SERP1: variants seen among roughly 807,000 people sequenced by gnomAD.
SERP1 encodes stress-associated endoplasmic reticulum protein 1.
In SERP1, 6 loss-of-function variants were observed where a neutral mutation model predicts 8.8. The ratio of observed to expected loss-of-function variants is 0.68; its 90% CI spans 0.37 to 1.35. The LOEUF (loss-of-function observed/expected upper bound fraction) is 1.35, where lower values mean the gene tolerates loss of function less well. Among genes scored for constraint, SERP1 ranks in the 40% most tolerant of loss-of-function variants. The pLI, the probability that SERP1 is intolerant of heterozygous loss-of-function variation, is 0.02. For synonymous variants in SERP1, 36 were observed against 28.7 expected (o/e 1.25, Z -0.81); for missense variants, 52 against 86.2 (o/e 0.60, Z 1.57).
Position 150,544,389 on chromosome 3 carries a change from T to A in SERP1, c.*69A>T. 1 of 1,340,044 alleles carries A rather than the reference T, an allele frequency of 7.5e-7. No homozygotes were observed. The highest frequency in any genetic ancestry group is 1.1e-6 in the Non-Finnish European group (1 of 931,942). 83.0% of individuals were successfully genotyped at this position (1,340,044 alleles called of 1,614,324 possible). A position where few individuals can be genotyped will look rare whatever the true frequency, so the allele number is the denominator to read the frequency against. On this transcript the variant is annotated 3_prime_UTR_variant, in exon 3 of 3. Coordinates refer to ENST00000239944, the MANE Select transcript of SERP1 (RefSeq NM_014445.4). The stretch of plus-strand genomic sequence containing the variant: ...TTTACTGAATTGTTTTCAACCAGGG[T>A]ATCAAACATCAGGAATGAGTTCAAG...
At chr3:150,545,131 C>CAGCA (rs1722952963) in intron 2 of SERP1, among the ~76,000 whole-genome samples, 2 of 152,156 alleles carry the variant, frequency 1.3e-5, no homozygotes, top group South Asian at 4.1e-4. Flanking sequence ...TCTTAGGGGA[C>CAGCA]AGCAGGCTAC....
chr3:150,546,389 G>T lies in SERP1; in HGVS notation c.-254C>A. 1.8e-6 allele frequency: 1 copy of T among 562,934 alleles called. No individual in the cohort carries two copies. The allele number at this position is 562,934 out of a possible 1,614,324, so 34.9% of individuals were successfully genotyped here. A position where few individuals can be genotyped will look rare whatever the true frequency, so the allele number is the denominator to read the frequency against. On this transcript the variant is annotated 5_prime_UTR_variant, in exon 1 of 3. Coordinates refer to ENST00000239944, the MANE Select transcript of SERP1 (RefSeq NM_014445.4). ...GAGGAAGAGAACTGGCCGCCGGGTC[G>T]TTCTCGCGCCGCCGTCGCCGCCGCT...
chr3:150,544,546 G>T (rs762496300), intron 2 of SERP1, 48 bp from the exon 3 acceptor site: 1 of 1,432,342 alleles, frequency 7.0e-7, no homozygotes, highest in Non-Finnish European at 9.8e-7. Flanking sequence ...AATAAAATAG[G>T]TCTGGTGTCT....
intron 1 of SERP1, 64 bp from the exon 2 acceptor site, chr3:150,545,842 C>T (rs780273999): frequency 3.6e-4 from 541 of 1,508,276 alleles, no homozygotes; most frequent in Non-Finnish European, 4.7e-4. Context: ...GGCTCCCACG[C>T]CTGCACGCCG....
In SERP1 at chr3:150,546,285, TG is replaced by T; in HGVS notation, c.-151del. On this transcript the variant is annotated 5_prime_UTR_variant, in exon 1 of 3. Transcript: ENST00000239944. ...AGACGCTAGCTACGGCCGCTGGGCCTGGGCGCCGCAAGCGCGAGGTCTGAGC... is the reference window on the plus strand; with the variant it reads ...AGACGCTAGCTACGGCCGCTGGGCCTGGCGCCGCAAGCGCGAGGTCTGAGC... The T allele has an allele frequency of 2.3e-6, 2 of 856,518 alleles. No individual in the cohort carries two copies. Among genetic ancestry groups the T allele is most frequent in the Middle Eastern group, 2.8e-4 (1 of 3,574 alleles). The allele number at this position is 856,518 out of a possible 1,614,324, so 53.1% of individuals were successfully genotyped here.
At chr3:150,546,012 C>A (rs1167138695) in intron 1 of SERP1, 40 bp downstream of exon 1, 5 of 1,610,722 alleles carry the variant, frequency 3.1e-6, no homozygotes, top group Admixed American at 3.3e-5. Context: ...GGACTCAGCT[C>A]CGGCTGCGGA....
At position 150,546,035 on chromosome 3, in the gene SERP1, G is replaced by A; in HGVS notation, c.84+17C>T. The A allele has an allele frequency of 9.3e-6, 15 of 1,612,934 alleles. No homozygotes were observed. Among genetic ancestry groups the A allele is most frequent in the African/African-American group, 1.3e-5 (1 of 75,054 alleles). ...CTCCGGCTGCGGAACGCAGAGGGGC[G>A]CCCGCTCTTTCCTTACCGAGGTCTT... On this transcript the variant is annotated intron_variant, in intron 1 of 2. Coordinates refer to ENST00000239944, the MANE Select transcript of SERP1 (RefSeq NM_014445.4).
Position 150,546,142 on chromosome 3 carries a change from G to A in SERP1, c.-7C>T, listed in dbSNP as rs1723001858. The A allele has an allele frequency of 1.2e-6, 2 of 1,612,592 alleles. No homozygotes were observed. The highest frequency in any genetic ancestry group is 1.7e-5 in the Admixed American group (1 of 60,010). On this transcript the variant is annotated 5_prime_UTR_variant, in exon 1 of 3. Transcript: ENST00000239944. ...TCCTTTGCTTGGCGACCATCTTCGCGGCGCCACCACCTGCCCCGGCCACCC... is the reference window on the plus strand; with the variant it reads ...TCCTTTGCTTGGCGACCATCTTCGCAGCGCCACCACCTGCCCCGGCCACCC...
rs985944554 is a variant in SERP1 at position 150,544,210 on chromosome 3, C to T, written c.*248G>A. ...TAATTGACTGAATAAGTAGGGTCCA[C>T]TACTGTATCTTAACAATCAAATTTT... On this transcript the variant is annotated 3_prime_UTR_variant, in exon 3 of 3. Transcript: ENST00000239944. 1 of 491,852 alleles carries T rather than the reference C, an allele frequency of 2.0e-6. No homozygotes were observed. The allele number at this position is 491,852 out of a possible 1,614,324, so 30.5% of individuals were successfully genotyped here. A position where few individuals can be genotyped will look rare whatever the true frequency, so the allele number is the denominator to read the frequency against.
chr3:150,546,282 G>C lies in SERP1; in HGVS notation c.-147C>G. Reference sequence around the variant, plus strand: ...GCCAGACGCTAGCTACGGCCGCTGGGCCTGGGCGCCGCAAGCGCGAGGTCT... The same window carrying C: ...GCCAGACGCTAGCTACGGCCGCTGGCCCTGGGCGCCGCAAGCGCGAGGTCT... On this transcript the variant is annotated 5_prime_UTR_variant, in exon 1 of 3. Transcript: ENST00000239944. 1 of 875,838 alleles carries C rather than the reference G, an allele frequency of 1.1e-6. No individual in the cohort carries two copies. The highest frequency in any genetic ancestry group is 1.7e-6 in the Non-Finnish European group (1 of 587,096). The allele number at this position is 875,838 out of a possible 1,614,324, so 54.3% of individuals were successfully genotyped here. A position where few individuals can be genotyped will look rare whatever the true frequency, so the allele number is the denominator to read the frequency against.
Position 150,544,383 on chromosome 3 carries a change from C to G in SERP1, c.*75G>C. On this transcript the variant is annotated 3_prime_UTR_variant, in exon 3 of 3. Transcript: ENST00000239944. ...GGATGCTTTACTGAATTGTTTTCAA[C>G]CAGGGTATCAAACATCAGGAATGAG... is the stretch of plus-strand genomic sequence containing the variant. The G allele has an allele frequency of 2.3e-6, 3 of 1,308,528 alleles. No individual in the cohort carries two copies. Among genetic ancestry groups the G allele is most frequent in the Non-Finnish European group, 2.2e-6 (2 of 904,978 alleles). 81.1% of individuals were successfully genotyped at this position (1,308,528 alleles called of 1,614,324 possible).
chr3:150,545,549 A>G, intron 2 of SERP1, 154 bp downstream of exon 2: 1 of 719,352 alleles, frequency 1.4e-6, no homozygotes, highest in South Asian at 1.7e-5. Flanking sequence ...TATGTGGAAC[A>G]AGTAATTTGG....
At position 150,546,092 on chromosome 3, in the gene SERP1, C is replaced by T. The variant is rs770121176; in HGVS notation, c.44G>A (p.Ser15Asn). ...GTTGCCGCGCTGGGTGATGTTCTTG[C>T]TGTGCTTCTCGTTGGCCATACGGAT... ...QRIRMANEKH[S>N]KNITQRGNVA... Residue 15 changes from serine to asparagine, a missense_variant, in exon 1 of 3, where the codon AGC (serine) becomes AAC (asparagine). Physicochemically the swap from Ser to Asn is conservative, Grantham distance 46. Transcript: ENST00000239944. 1.9e-6 allele frequency: 3 copies of T among 1,613,846 alleles called. No homozygotes were observed. The highest frequency in any genetic ancestry group is 2.5e-6 in the Non-Finnish European group (3 of 1,179,908).
rs1457268338 is a variant in SERP1 at position 150,543,666 on chromosome 3, G to C, written c.*792C>G. On this transcript the variant is annotated 3_prime_UTR_variant, in exon 3 of 3. Coordinates refer to ENST00000239944, the MANE Select transcript of SERP1 (RefSeq NM_014445.4). Reference sequence around the variant, plus strand: ...CCCTTTGATATATTAAAATAGTTCTGGTGAAATAAATGTAACATAAACAAA... The same window carrying C: ...CCCTTTGATATATTAAAATAGTTCTCGTGAAATAAATGTAACATAAACAAA... The C allele has an allele frequency of 2.6e-5, 4 of 152,548 alleles. No homozygotes were observed. Among genetic ancestry groups the C allele is most frequent in the Admixed American group, 2.6e-4 (4 of 15,280 alleles). 9.4% of individuals were successfully genotyped at this position (152,548 alleles called of 1,614,324 possible). A position where few individuals can be genotyped will look rare whatever the true frequency, so the allele number is the denominator to read the frequency against.
In SERP1 at chr3:150,544,426, A is replaced by C. The variant is rs893403326; in HGVS notation, c.*32T>G. 1.9e-6 allele frequency: 3 copies of C among 1,598,582 alleles called. No individual in the cohort carries two copies. In the African/African-American group the frequency reaches 4.0e-5, roughly 21 times the overall value. On this transcript the variant is annotated 3_prime_UTR_variant, in exon 3 of 3. Transcript: ENST00000239944. ...GGAATGAGTTCAAGTTAAAATTCAC[A>C]GGAGAATGGAAACATCTTAAGGTCA... is the stretch of plus-strand genomic sequence containing the variant.
Position 150,546,330 on chromosome 3 carries a change from G to A in SERP1, c.-195C>T. 1.6e-6 allele frequency: 1 copy of A among 609,144 alleles called. No homozygotes were observed. The highest frequency in any genetic ancestry group is 2.8e-6 in the Non-Finnish European group (1 of 360,872). The allele number at this position is 609,144 out of a possible 1,614,324, so 37.7% of individuals were successfully genotyped here. On this transcript the variant is annotated 5_prime_UTR_variant, in exon 1 of 3. Coordinates refer to ENST00000239944, the MANE Select transcript of SERP1 (RefSeq NM_014445.4). ...TCTGAGCACAAGCCGGGCGCCGGCC[G>A]CCGACTGACTGACCGAGCGGGGCAG...
At position 150,545,732 on chromosome 3, in the gene SERP1, G is replaced by A. The variant is rs1196461770; in HGVS notation, c.131C>T (p.Ala44Val). 1 of 1,609,162 alleles carries A rather than the reference G, an allele frequency of 6.2e-7. No individual in the cohort carries two copies. Among genetic ancestry groups the A allele is most frequent in the South Asian group, 1.1e-5 (1 of 90,242 alleles). Residue 44 changes from alanine to valine, a missense_variant, in exon 2 of 3, where the codon GCT (alanine) becomes GTT (valine). Physicochemically the swap from Ala to Val is moderately conservative, Grantham distance 64. Transcript: ENST00000239944. ...EKASVGPWLL[A>V]LFIFVVCGSA... is the part of the protein sequence containing the mutation. ...ACCACAGACAACAAAAATGAAGAGA[G>A]CCAATAACCAGGGTCCTACAGACGC...
rs1722924383 is a variant in SERP1, at chr3:150,543,752, A to AG, written c.*705_*706insC. ...TTTAGTGAAACCACAGTAACTGATT[A>AG]AGTCAGAAAACGATCAAGTTTTTTT... On this transcript the variant is annotated 3_prime_UTR_variant, in exon 3 of 3. Coordinates refer to ENST00000239944, the MANE Select transcript of SERP1 (RefSeq NM_014445.4). 1 of 127,264 alleles carries AG rather than the reference A, an allele frequency of 7.9e-6. No individual in the cohort carries two copies. The highest frequency in any genetic ancestry group is 8.7e-5 in the Admixed American group (1 of 11,506). 7.9% of individuals were successfully genotyped at this position (127,264 alleles called of 1,614,324 possible).
Position 150,544,403 on chromosome 3 carries a change from A to G in SERP1, c.*55T>C. The G allele has an allele frequency of 6.8e-7, 1 of 1,479,154 alleles. No individual in the cohort carries two copies. The highest frequency in any genetic ancestry group is 9.5e-7 in the Non-Finnish European group (1 of 1,057,660). 91.6% of individuals were successfully genotyped at this position (1,479,154 alleles called of 1,614,324 possible). A position where few individuals can be genotyped will look rare whatever the true frequency, so the allele number is the denominator to read the frequency against. ...TTCAACCAGGGTATCAAACATCAGG[A>G]ATGAGTTCAAGTTAAAATTCACAGG... On this transcript the variant is annotated 3_prime_UTR_variant, in exon 3 of 3. Transcript: ENST00000239944.
Sources: allele counts gnomAD v4.1 joint callset (sites outside exome capture counted in the v4.1 genomes callset), GRCh38; gene constraint gnomAD v4.1.1; transcripts MANE v1.5; gene names NCBI Gene and HGNC (gene_info 2026-07-23, HGNC 2026-07-21).